PLXNA4: variants seen among roughly 807,000 people sequenced by gnomAD.
PLXNA4 encodes the protein plexin-A4.
PLXNA4 carries 44 observed loss-of-function variants against 191.8 expected under a neutral mutation model. That is an observed-to-expected ratio of 0.23 (90% confidence interval 0.18 to 0.29). The LOEUF is 0.29. Ranked by LOEUF, PLXNA4 falls within the 10% of genes least tolerant of loss-of-function variation. PLXNA4 has a pLI of 1.00. For missense variants in PLXNA4, 1,800 were observed against 2,488.8 expected (o/e 0.72, Z 5.89); for synonymous variants, 1,082 against 1,009.5 (o/e 1.07, Z -1.36).
intron 3 of PLXNA4, among the ~76,000 whole-genome samples, chr7:132,405,321 C>T (rs1794173956): frequency 6.6e-6 from 1 of 152,132 alleles, no homozygotes; most frequent in South Asian, 2.1e-4. Context: ...CAGGACTAGG[C>T]TGTGCCTACA....
At chr7:132,399,351 G>A (rs866596454) in intron 3 of PLXNA4, among the ~76,000 whole-genome samples, 7 of 152,324 alleles carry the variant, frequency 4.6e-5, no homozygotes, top group Non-Finnish European at 7.3e-5. Flanking sequence ...AAATAGTCAT[G>A]ATCACTTCTT....
At chr7:132,420,183 A>T (rs1378525669) in intron 3 of PLXNA4, among the ~76,000 whole-genome samples, 1 of 152,174 alleles carries the variant, frequency 6.6e-6, no homozygotes, top group Non-Finnish European at 1.5e-5. Context: ...GTGCCTCTGT[A>T]TTAGAGCATG....
intron 1 of PLXNA4, among the ~76,000 whole-genome samples, chr7:132,536,537 C>T (rs528737528): frequency 1.4e-4 from 21 of 152,306 alleles, no homozygotes; most frequent in Admixed American, 2.0e-4. Flanking sequence ...GCAGGGCCCC[C>T]ATGTGGCACC....
At chr7:132,464,128 G>T (rs1248862430) in intron 3 of PLXNA4, among the ~76,000 whole-genome samples, 1 of 152,182 alleles carries the variant, frequency 6.6e-6, no homozygotes, top group Admixed American at 6.5e-5. Flanking sequence ...CCACTTAATA[G>T]TTTCTAGTAC....
At chr7:132,156,375 G>T (rs1430039300) in intron 25 of PLXNA4, among the ~76,000 whole-genome samples, 1 of 152,146 alleles carries the variant, frequency 6.6e-6, no homozygotes, top group East Asian at 1.9e-4. Context: ...AAAGCCAGGG[G>T]CCACAGTGAT....
chr7:132,485,964 G>A (rs1018070877), intron 3 of PLXNA4, among the ~76,000 whole-genome samples: 1 of 152,154 alleles, frequency 6.6e-6, no homozygotes, highest in Non-Finnish European at 1.5e-5. Context: ...TTTGAGAGCA[G>A]CCCACGGATA....
intron 3 of PLXNA4, among the ~76,000 whole-genome samples, chr7:132,353,903 A>G (rs909450094): frequency 6.6e-6 from 1 of 152,132 alleles, no homozygotes; most frequent in African/African-American, 2.4e-5. Flanking sequence ...TGCTTCTTGA[A>G]AGCTTTGCAA....
intron 3 of PLXNA4, among the ~76,000 whole-genome samples, chr7:132,373,477 TTG>T (rs1415187703): frequency 6.6e-6 from 1 of 152,180 alleles, no homozygotes; most frequent in Non-Finnish European, 1.5e-5. Flanking sequence ...AGGTTCGATT[TTG>T]TGTGTCTGGC....
At chr7:132,211,263 C>T in intron 9 of PLXNA4, 120 bp from the exon 10 acceptor site, 1 of 1,061,652 alleles carries the variant, frequency 9.4e-7, no homozygotes, top group Non-Finnish European at 1.3e-6. Flanking sequence ...CCACAGGCGA[C>T]CCCTGAGGTG....
rs535877176 is a variant in PLXNA4, at chr7:132,188,187, C to G, written c.2857-580G>C. 2.4e-4 allele frequency among the ~76,000 whole-genome samples: 36 copies of G among 152,278 alleles called. 1 individual carries two copies. In the South Asian group the frequency reaches 5.4e-3, roughly 23 times the overall value. ...GGGAAGTGAGAGCCCCAGGGAAACT[C>G]AGAGAGAGAAACAGAAAAGAGTCAG... is the stretch of plus-strand genomic sequence containing the variant. On this transcript the variant is annotated intron_variant, in intron 14 of 31. Transcript: ENST00000321063.
intron 1 of PLXNA4, among the ~76,000 whole-genome samples, chr7:132,573,293 C>T (rs1225842397): frequency 6.6e-6 from 1 of 152,136 alleles, no homozygotes; most frequent in African/African-American, 2.4e-5. Context: ...CCCTTGTAAC[C>T]CACCACAGAG....
chr7:132,364,200 G>A (rs1388777131), intron 3 of PLXNA4, among the ~76,000 whole-genome samples: 5 of 152,360 alleles, frequency 3.3e-5, no homozygotes, highest in Middle Eastern at 3.4e-3. Context: ...GGAATGGGCA[G>A]ACATGGTGGG....
intron 3 of PLXNA4, among the ~76,000 whole-genome samples, chr7:132,475,278 C>A (rs890859462): frequency 6.6e-6 from 1 of 152,100 alleles, no homozygotes; most frequent in Non-Finnish European, 1.5e-5. Context: ...CCGTGACCAG[C>A]GGAGGAAGCA....
intron 2 of PLXNA4, among the ~76,000 whole-genome samples, chr7:132,601,123 A>T (rs1389643297): frequency 1.3e-5 from 2 of 152,180 alleles, no homozygotes; most frequent in African/African-American, 4.8e-5. Flanking sequence ...ATGTTTTGTC[A>T]ATCTTCATAG....
At chr7:132,597,860 T>C (rs978832936) in intron 2 of PLXNA4, among the ~76,000 whole-genome samples, 1 of 10,332 alleles carries the variant, frequency 9.7e-5, no homozygotes, top group African/African-American at 1.2e-4. Context: ...TCTCTCTCTC[T>C]ATATATATAT....
intron 9 of PLXNA4, among the ~76,000 whole-genome samples, chr7:132,213,459 C>T (rs1797867373): frequency 6.6e-6 from 1 of 152,172 alleles, no homozygotes; most frequent in Admixed American, 6.5e-5. Context: ...GGGCCTTGGT[C>T]TTGGCCTTCA....
chr7:132,286,938 G>A (rs1800703433), intron 4 of PLXNA4, among the ~76,000 whole-genome samples: 1 of 152,170 alleles, frequency 6.6e-6, no homozygotes, highest in Non-Finnish European at 1.5e-5. Flanking sequence ...TGATAGATAG[G>A]GGAAGCACAG....
chr7:132,221,557 G>C (rs1243958812), intron 9 of PLXNA4, among the ~76,000 whole-genome samples: 1 of 152,168 alleles, frequency 6.6e-6, no homozygotes, highest in Admixed American at 6.5e-5. Context: ...GCCTGGCCAG[G>C]CTGATGAGAC....
intron 3 of PLXNA4, among the ~76,000 whole-genome samples, chr7:132,346,033 T>C (rs1803233016): frequency 6.6e-6 from 1 of 152,152 alleles, no homozygotes; most frequent in Non-Finnish European, 1.5e-5. Flanking sequence ...AGGCTGTTTG[T>C]TGGGATGAAC....
Sources: allele counts gnomAD v4.1 joint callset (sites outside exome capture counted in the v4.1 genomes callset), GRCh38; gene constraint gnomAD v4.1.1; transcripts MANE v1.5; gene names NCBI Gene and HGNC (gene_info 2026-07-23, HGNC 2026-07-21).